PDE4B: variants seen among roughly 807,000 people sequenced by gnomAD.
PDE4B encodes the protein 3',5'-cyclic-AMP phosphodiesterase 4B.
PDE4B carries 20 observed loss-of-function variants against 82.2 expected under a neutral mutation model. The ratio of observed to expected loss-of-function variants is 0.24; its 90% CI spans 0.17 to 0.35. PDE4B has a LOEUF of 0.35. PDE4B is among the 10% of genes least tolerant of loss of function. The pLI, the probability that PDE4B is intolerant of heterozygous loss-of-function variation, is 1.00. For synonymous variants in PDE4B, 320 were observed against 318.9 expected (o/e 1.00, Z -0.04); for missense variants, 655 against 907.2 (o/e 0.72, Z 3.57).
chr1:66,079,220 C>T (rs1470231416), intron 3 of PDE4B, among the ~76,000 whole-genome samples: 1 of 149,782 alleles, frequency 6.7e-6, no homozygotes, highest in Admixed American at 6.6e-5. Flanking sequence ...CTCTTGGTCT[C>T]TCTCAATTTC....
intron 3 of PDE4B, among the ~76,000 whole-genome samples, chr1:66,237,544 A>G (rs17128606): frequency 0.018 from 2,786 of 152,284 alleles, 86 homozygotes; most frequent in African/African-American, 0.064. Flanking sequence ...TTGAAAGGTC[A>G]AAGACTTGTG....
intron 1 of PDE4B, among the ~76,000 whole-genome samples, chr1:65,845,228 A>G (rs758959552): frequency 6.6e-6 from 1 of 152,212 alleles, no homozygotes; most frequent in Non-Finnish European, 1.5e-5. Context: ...ACTTCTCTCC[A>G]CAGTTATAAA....
rs1344652461 is a variant in PDE4B, at chr1:66,317,047, T to C, written c.635-15461T>C. Among the ~76,000 whole-genome samples the C allele has an allele frequency of 3.3e-5, 5 of 152,280 alleles. No individual in the cohort carries two copies. The East Asian group carries it at 7.7e-4, about 24-fold the overall frequency. On this transcript the variant is annotated intron_variant, in intron 7 of 16. Coordinates refer to ENST00000341517, the MANE Select transcript of PDE4B (RefSeq NM_002600.4). The stretch of plus-strand genomic sequence containing the variant: ...AATTCTTGTTTGCTACTGTGTGGAG[T>C]TGGGTTGCCATGAAACCTGAGGCCT...
At chr1:66,189,172 G>T (rs184747849) in intron 3 of PDE4B, among the ~76,000 whole-genome samples, 70 of 151,604 alleles carry the variant, frequency 4.6e-4, no homozygotes, top group Middle Eastern at 3.4e-3. Flanking sequence ...CCCACTCTCT[G>T]CTGGCTTGTA....
At chr1:66,052,119 C>G (rs1451784386) in intron 3 of PDE4B, among the ~76,000 whole-genome samples, 1 of 152,140 alleles carries the variant, frequency 6.6e-6, no homozygotes, top group African/African-American at 2.4e-5. Context: ...ATCCTGCATG[C>G]TAAACTTCAA....
At chr1:65,910,377 C>A (rs1484966133) in intron 1 of PDE4B, among the ~76,000 whole-genome samples, 1 of 152,124 alleles carries the variant, frequency 6.6e-6, no homozygotes, top group Non-Finnish European at 1.5e-5. Flanking sequence ...AGGTTCTACT[C>A]ATTTATTCTT....
chr1:65,828,920 G>A (rs1205852741), intron 1 of PDE4B, among the ~76,000 whole-genome samples: 4 of 152,004 alleles, frequency 2.6e-5, no homozygotes, highest in Admixed American at 6.6e-5. Flanking sequence ...ACAAATAGAC[G>A]ACAGCTAGCA....
At chr1:66,307,824 A>G (rs943713212) in intron 7 of PDE4B, among the ~76,000 whole-genome samples, 1 of 151,926 alleles carries the variant, frequency 6.6e-6, no homozygotes, top group African/African-American at 2.4e-5. Flanking sequence ...ATTACTGTTG[A>G]TGGAATTAAT....
At chr1:66,020,865 G>A (rs143141462) in intron 3 of PDE4B, among the ~76,000 whole-genome samples, 3,213 of 152,270 alleles carry the variant, frequency 0.021, 113 homozygotes, top group African/African-American at 0.073. Flanking sequence ...GGTATTTCTA[G>A]TTCTAGATCC....
intron 3 of PDE4B, among the ~76,000 whole-genome samples, chr1:65,929,677 C>T (rs942166954): frequency 5.3e-5 from 8 of 152,286 alleles, no homozygotes; most frequent in South Asian, 2.1e-4. Context: ...TGAACTTAGG[C>T]GCAACCAATC....
intron 1 of PDE4B, among the ~76,000 whole-genome samples, chr1:65,826,589 C>T (rs1170519211): frequency 6.6e-6 from 1 of 152,092 alleles, no homozygotes; most frequent in Non-Finnish European, 1.5e-5. Context: ...ATTGCCCACA[C>T]CTACCTCCCT....
At chr1:65,912,382 A>AC (rs1175978938) in intron 1 of PDE4B, among the ~76,000 whole-genome samples, 2 of 151,746 alleles carry the variant, frequency 1.3e-5, no homozygotes, top group Non-Finnish European at 2.9e-5. Context: ...TTCACCTTTT[A>AC]CCCCCCTCCC....
intron 4 of PDE4B, among the ~76,000 whole-genome samples, chr1:66,249,357 T>C (rs1314010292): frequency 6.6e-6 from 1 of 152,208 alleles, no homozygotes; most frequent in Non-Finnish European, 1.5e-5. Context: ...TGAAATCTTG[T>C]CATTCCCCAA....
chr1:66,211,056 G>A (rs1318076146), intron 3 of PDE4B, among the ~76,000 whole-genome samples: 1 of 152,172 alleles, frequency 6.6e-6, no homozygotes, highest in Non-Finnish European at 1.5e-5. Flanking sequence ...TGCTTAAGCA[G>A]TTCCTCCTGA....
At chr1:65,808,632 G>A (rs768945195) in intron 1 of PDE4B, among the ~76,000 whole-genome samples, 1 of 152,182 alleles carries the variant, frequency 6.6e-6, no homozygotes, top group Non-Finnish European at 1.5e-5. Context: ...TTAGGAGGGG[G>A]ATCTTTATCT....
intron 2 of PDE4B, among the ~76,000 whole-genome samples, chr1:65,916,176 A>G (rs1310616578): frequency 1.3e-5 from 2 of 152,192 alleles, no homozygotes; most frequent in African/African-American, 4.8e-5. Flanking sequence ...CTGAAAAGCT[A>G]TTCCATTATG....
At chr1:66,156,357 A>G (rs1036881294) in intron 3 of PDE4B, among the ~76,000 whole-genome samples, 1 of 152,224 alleles carries the variant, frequency 6.6e-6, no homozygotes, top group Non-Finnish European at 1.5e-5. Flanking sequence ...ATAAATATTT[A>G]TAATAGGGAC....
At chr1:65,927,432 A>T (rs3085996) in intron 3 of PDE4B, among the ~76,000 whole-genome samples, 3 of 141,476 alleles carry the variant, frequency 2.1e-5, no homozygotes, top group Non-Finnish European at 3.1e-5. Context: ...ATTATATATA[A>T]TATATGTAAA....
At chr1:66,095,721 A>G (rs1645101450) in intron 3 of PDE4B, among the ~76,000 whole-genome samples, 1 of 151,882 alleles carries the variant, frequency 6.6e-6, no homozygotes, top group Admixed American at 6.6e-5. Flanking sequence ...TGCTTTCCCA[A>G]TTAGATCATA....
Sources: allele counts gnomAD v4.1 joint callset (sites outside exome capture counted in the v4.1 genomes callset), GRCh38; gene constraint gnomAD v4.1.1; transcripts MANE v1.5; gene names NCBI Gene and HGNC (gene_info 2026-07-23, HGNC 2026-07-21).